The following DIP2C variants were observed in gnomAD, a reference collection of about 807,000 sequenced individuals.
DIP2C encodes DIP2 acetate--CoA ligase C (putative), also known as disco-interacting protein 2 homolog C.
In DIP2C, 33 loss-of-function variants were observed where a neutral mutation model predicts 192.4. That is an observed-to-expected ratio of 0.17 (90% CI 0.13 to 0.23). DIP2C has a LOEUF of 0.23. DIP2C is among the 10% of genes least tolerant of loss of function. DIP2C has a pLI of 1.00. For missense variants in DIP2C, 1,537 were observed against 2,110.1 expected, an observed-to-expected ratio of 0.73 and a Z score of 5.32; for synonymous variants, 979 against 864.1, an observed-to-expected ratio of 1.13 and a Z score of -2.33.
At chr10:650,343 G>A (rs1266541983) in intron 1 of DIP2C, 6 of 717,264 alleles carry the variant, frequency 8.4e-6, no homozygotes, top group African/African-American at 3.5e-5. Flanking sequence ...CACAGCCACT[G>A]CAAGCCCCAG....
intron 17 of DIP2C, among the ~76,000 whole-genome samples, chr10:375,103 A>C (rs1387328855): frequency 1.3e-5 from 2 of 152,250 alleles, no homozygotes; most frequent in Non-Finnish European, 2.9e-5. Context: ...GGGAAACAAA[A>C]TAAAACTAAA....
At chr10:407,755 A>C (rs1440680449) in intron 9 of DIP2C, among the ~76,000 whole-genome samples, 1 of 152,110 alleles carries the variant, frequency 6.6e-6, no homozygotes, top group Non-Finnish European at 1.5e-5. Flanking sequence ...TCTCTGGCCC[A>C]TTTAAACGTT....
chr10:639,167 G>A (rs1357780445), intron 1 of DIP2C, among the ~76,000 whole-genome samples: 2 of 143,690 alleles, frequency 1.4e-5, no homozygotes, highest in African/African-American at 2.6e-5. Context: ...GGTGCTGCCC[G>A]GCTCCCGGTC....
At chr10:356,611 T>G (rs1400000941) in intron 23 of DIP2C, 105 bp from the exon 24 acceptor site, 1 of 920,816 alleles carries the variant, frequency 1.1e-6, no homozygotes, top group African/African-American at 1.7e-5. Context: ...GCTGAGTGCT[T>G]TGGGTCTTAA....
chr10:303,955 G>T (rs984221454), intron 32 of DIP2C, among the ~76,000 whole-genome samples: 1 of 152,164 alleles, frequency 6.6e-6, no homozygotes. Flanking sequence ...CAACTGGAGG[G>T]TCTTTAGGGC....
chr10:350,031 G>A (rs187323087), intron 24 of DIP2C, among the ~76,000 whole-genome samples: 1,672 of 152,224 alleles, frequency 0.011, 11 homozygotes, highest in Admixed American at 0.016. Flanking sequence ...TACCTTACAC[G>A]AGGGTTGTGA....
intron 31 of DIP2C, among the ~76,000 whole-genome samples, chr10:320,440 A>G (rs1199448387): frequency 2.0e-5 from 3 of 151,336 alleles, no homozygotes; most frequent in Non-Finnish European, 2.9e-5. Flanking sequence ...CCCAGGAGGC[A>G]GAGGTTGCAG....
At chr10:621,264 A>C (rs1409635624) in intron 1 of DIP2C, among the ~76,000 whole-genome samples, 4 of 151,656 alleles carry the variant, frequency 2.6e-5, no homozygotes, top group Non-Finnish European at 5.9e-5. Flanking sequence ...ATGAGCACAC[A>C]CCCCCAGGTG....
intron 29 of DIP2C, among the ~76,000 whole-genome samples, chr10:334,391 C>A (rs2132492213): frequency 6.7e-6 from 1 of 148,828 alleles, no homozygotes; most frequent in East Asian, 2.0e-4. Context: ...AATATTTTTT[C>A]CCAGACTGTG....
intron 1 of DIP2C, among the ~76,000 whole-genome samples, chr10:564,366 A>G (rs1283842746): frequency 6.6e-6 from 1 of 151,984 alleles, no homozygotes; most frequent in Non-Finnish European, 1.5e-5. Context: ...CCTGGACGTC[A>G]CCTTGGGGCA....
intron 1 of DIP2C, among the ~76,000 whole-genome samples, chr10:555,861 T>C (rs932915440): frequency 5.3e-5 from 8 of 152,112 alleles, no homozygotes; most frequent in Admixed American, 2.0e-4. Flanking sequence ...ACACCCATCT[T>C]CAAGTCACAG....
intron 3 of DIP2C, among the ~76,000 whole-genome samples, chr10:458,459 C>T (rs1969481576): frequency 6.6e-6 from 1 of 152,250 alleles, no homozygotes; most frequent in Admixed American, 6.5e-5. Context: ...GGAGGATGCC[C>T]TCTACATTCC....
intron 32 of DIP2C, among the ~76,000 whole-genome samples, chr10:305,460 G>T (rs193080939): frequency 2.0e-5 from 3 of 152,278 alleles, no homozygotes; most frequent in African/African-American, 4.8e-5. Flanking sequence ...CTATTCTGTG[G>T]CCCCTGCTCT....
chr10:604,354 A>C (rs1852318503), intron 1 of DIP2C, among the ~76,000 whole-genome samples: 1 of 152,242 alleles, frequency 6.6e-6, no homozygotes, highest in South Asian at 2.1e-4. Context: ...ATACCATAGG[A>C]GACAAAGATG....
intron 2 of DIP2C, among the ~76,000 whole-genome samples, chr10:485,550 G>T (rs996721920): frequency 6.6e-6 from 1 of 152,122 alleles, no homozygotes; most frequent in Admixed American, 6.5e-5. Context: ...ACTACCAATA[G>T]CAGAATCTCC....
Position 345,103 on chromosome 10 carries a change from C to T in DIP2C, c.3239G>A (p.Arg1080His), listed in dbSNP as rs762410144. 9.9e-6 allele frequency: 16 copies of T among 1,611,372 alleles called. No individual in the cohort carries two copies. The highest frequency in any genetic ancestry group is 1.7e-5 in the Admixed American group (1 of 59,876). The change falls in exon 27 of 37, where the codon CGC (arginine) becomes CAC (histidine). Residue 1080 changes from arginine (R) to histidine (H), a missense_variant. Arg to His is a conservative substitution (Grantham distance 29). Coordinates refer to ENST00000280886, the MANE Select transcript of DIP2C (RefSeq NM_014974.3). ...CTGTGTCGTCATCAGACAGGCAGAGCGACTCACCTGGCATCAGAGAGCGAG... is the reference window on the plus strand; with the variant it reads ...CTGTGTCGTCATCAGACAGGCAGAGTGACTCACCTGGCATCAGAGAGCGAG... ...PTVKMIVEVS[R>H]SACLMTTQLI...
intron 17 of DIP2C, among the ~76,000 whole-genome samples, chr10:375,339 A>G (rs2132828676): frequency 6.6e-6 from 1 of 152,270 alleles, no homozygotes; most frequent in East Asian, 1.9e-4. Flanking sequence ...TTCTGCCATG[A>G]TCATAAGCTT....
intron 1 of DIP2C, chr10:641,566 G>T (rs1855201037): frequency 6.5e-6 from 1 of 154,098 alleles, no homozygotes; most frequent in Admixed American, 6.5e-5. Flanking sequence ...GTGTCAGCTT[G>T]ATTTTCTGCC....
At chr10:560,493 G>C (rs772784902) in intron 1 of DIP2C, among the ~76,000 whole-genome samples, 3 of 152,134 alleles carry the variant, frequency 2.0e-5, no homozygotes, top group Non-Finnish European at 4.4e-5. Flanking sequence ...TGAAACTCGC[G>C]GCAGTGAACA....
Sources: gnomAD v4.1 joint callset for allele counts (sites outside exome capture counted in the v4.1 genomes callset) on GRCh38, gnomAD v4.1.1 for gene constraint, MANE v1.5 for transcripts, NCBI Gene and HGNC (gene_info 2026-07-23, HGNC 2026-07-21) for gene names.